TAS1R1: variants seen among roughly 807,000 people sequenced by gnomAD.
The protein encoded by TAS1R1 is taste 1 receptor member 1, also known as taste receptor type 1 member 1.
In TAS1R1, 31 loss-of-function variants were observed where a neutral mutation model predicts 45.8. The ratio of observed to expected loss-of-function variants is 0.68; its 90% CI spans 0.51 to 0.91. The LOEUF (loss-of-function observed/expected upper bound fraction) is 0.91. Among genes scored for constraint, TAS1R1 ranks in the 40% least tolerant of loss-of-function variants. The probability of loss-of-function intolerance (pLI) is 0.00; values close to 1 mark genes in which losing one functional copy is unlikely to be tolerated. For missense variants in TAS1R1, 1,051 were observed against 1,063.9 expected (o/e 0.99, Z 0.17); for synonymous variants, 437 against 448.4 (o/e 0.97, Z 0.32).
chr1:6,567,240 G>A (rs894372023), intron 1 of TAS1R1, among the ~76,000 whole-genome samples: 3 of 152,140 alleles, frequency 2.0e-5, no homozygotes, highest in Non-Finnish European at 2.9e-5. Flanking sequence ...AGGCAAGGCC[G>A]AGTAGGTGGC....
intron 1 of TAS1R1, among the ~76,000 whole-genome samples, chr1:6,568,464 A>G (rs918308910): frequency 9.9e-5 from 15 of 151,492 alleles, no homozygotes; most frequent in Non-Finnish European, 1.8e-4. Flanking sequence ...CAAAAAAGAA[A>G]AAAAAAAAAA....
rs1179512208 is a variant in TAS1R1 at position 6,576,607 on chromosome 1, T to C, written c.1453T>C (p.Trp485Arg). 1.9e-6 allele frequency: 3 copies of C among 1,613,624 alleles called. No homozygotes were observed. Among genetic ancestry groups the C allele is most frequent in the East Asian group, 2.2e-5 (1 of 44,858 alleles). ...QLNINETKIQ[W>R]HGKDNQVPKS... Reference sequence around the variant, plus strand: ...AAACATAAATGAGACCAAAATCCAGTGGCACGGAAAGGACAACCAGGTAAT... The same window carrying C: ...AAACATAAATGAGACCAAAATCCAGCGGCACGGAAAGGACAACCAGGTAAT... The change falls in exon 4 of 6, where the codon TGG (tryptophan) becomes CGG (arginine). Residue 485 changes from tryptophan (W) to arginine (R), a missense_variant. Physicochemically the swap from Trp to Arg is moderately radical, Grantham distance 101. Coordinates refer to ENST00000333172, the MANE Select transcript of TAS1R1 (RefSeq NM_138697.4).
At position 6,579,555 on chromosome 1, in the gene TAS1R1, GACT is replaced by G. The variant is rs1192011484; in HGVS notation, c.2500_2502del (p.Tyr834del). The G allele has an allele frequency of 6.2e-7, 1 of 1,610,250 alleles. No individual in the cohort carries two copies. The highest frequency in any genetic ancestry group is 8.5e-7 in the Non-Finnish European group (1 of 1,179,308). ...AGAGCACTTCCAGGCCTCCATTCAG[GACT>G]ACACGAGGCGCTGCGGCTCCACCTG... On this transcript the variant is annotated inframe_deletion, in exon 6 of 6. Transcript: ENST00000333172.
chr1:6,556,984 G>A (rs903277344), intron 1 of TAS1R1, among the ~76,000 whole-genome samples: 15 of 143,582 alleles, frequency 1.0e-4, no homozygotes, highest in African/African-American at 1.6e-4. Context: ...ATTCCAACCC[G>A]GGCGACAGAG....
intron 1 of TAS1R1, among the ~76,000 whole-genome samples, chr1:6,567,297 A>T (rs1233238802): frequency 6.6e-6 from 1 of 152,110 alleles, no homozygotes; most frequent in Non-Finnish European, 1.5e-5. Flanking sequence ...GCAGTGGCTC[A>T]CGCCTGTAAT....
Position 6,579,288 on chromosome 1 carries a change from G to A in TAS1R1, c.2230G>A (p.Ala744Thr). Residue 744 changes from alanine (A) to threonine (T), a missense_variant, in exon 6 of 6, where the codon GCC (alanine) becomes ACC (threonine). Transcript: ENST00000333172. ...TGGCCTCCTCTCCATCAGTGCCTTT[G>A]CCTGCAGCTACCTGGGTAAGGACTT... is the stretch of plus-strand genomic sequence containing the variant. ...YNGLLSISAFACSYLGKDLPE... is the reference protein window; with the variant it reads ...YNGLLSISAFTCSYLGKDLPE... 12 of 1,614,192 alleles carry A rather than the reference G, an allele frequency of 7.4e-6. No homozygotes were observed. The highest frequency in any genetic ancestry group is 1.0e-5 in the Non-Finnish European group (12 of 1,180,036).
chr1:6,556,438 T>C (rs1354874866), intron 1 of TAS1R1, among the ~76,000 whole-genome samples: 1 of 152,030 alleles, frequency 6.6e-6, no homozygotes, highest in Non-Finnish European at 1.5e-5. Context: ...ACTCAGTCTG[T>C]CATCCAGGCT....
chr1:6,575,345 G>C lies in TAS1R1; in HGVS notation c.1213G>C (p.Gly405Arg). The change falls in exon 3 of 6, where the codon GGC becomes CGC. Residue 405 changes from glycine to arginine, a missense_variant. Coordinates refer to ENST00000333172, the MANE Select transcript of TAS1R1 (RefSeq NM_138697.4). ...GGCCCATGGCCTCCACCAGCTCCTGGGCTGTGCCTCTGGAGCTTGTTCCAG... is the reference window on the plus strand; with the variant it reads ...GGCCCATGGCCTCCACCAGCTCCTGCGCTGTGCCTCTGGAGCTTGTTCCAG... The part of the protein sequence containing the change: ...AVAHGLHQLL[G>R]CASGACSRGR... The C allele has an allele frequency of 6.2e-7, 1 of 1,604,030 alleles. No homozygotes were observed. Among genetic ancestry groups the C allele is most frequent in the Admixed American group, 1.7e-5 (1 of 58,146 alleles).
At position 6,562,358 on chromosome 1, in the gene TAS1R1, T is replaced by C. The variant is rs184952662; in HGVS notation, c.191+6794T>C. On this transcript the variant is annotated intron_variant, in intron 1 of 5. Coordinates refer to ENST00000333172, the MANE Select transcript of TAS1R1 (RefSeq NM_138697.4). Reference sequence around the variant, plus strand: ...TAATTTTTTGTATTTTTAGTAGAGATGGGGTTTCACCATGTTAGCCAGGAT... The same window carrying C: ...TAATTTTTTGTATTTTTAGTAGAGACGGGGTTTCACCATGTTAGCCAGGAT... Among the ~76,000 whole-genome samples, 84 of 152,268 alleles carry C rather than the reference T, an allele frequency of 5.5e-4. 1 individual carries two copies. The East Asian group carries it at 9.7e-3, about 17-fold the overall frequency.
chr1:6,557,411 A>G (rs968943740), intron 1 of TAS1R1, among the ~76,000 whole-genome samples: 2 of 152,246 alleles, frequency 1.3e-5, no homozygotes, highest in East Asian at 3.9e-4. Context: ...AGGCTAGCAC[A>G]CTTTATGTAT....
At chr1:6,555,682 C>T in intron 1 of TAS1R1, 118 bp downstream of exon 1, 1 of 950,508 alleles carries the variant, frequency 1.1e-6, no homozygotes, top group Non-Finnish European at 1.5e-6. Context: ...TGTCCCCAGG[C>T]CTTGTTCATC....
chr1:6,573,746 T>C (rs1324491241), intron 2 of TAS1R1, among the ~76,000 whole-genome samples: 1 of 151,958 alleles, frequency 6.6e-6, no homozygotes, highest in Non-Finnish European at 1.5e-5. Flanking sequence ...CACTGCAAGC[T>C]CCGCCTCCCG....
intron 1 of TAS1R1, among the ~76,000 whole-genome samples, chr1:6,558,922 C>T (rs192911252): frequency 6.7e-5 from 7 of 104,988 alleles, no homozygotes; most frequent in South Asian, 2.9e-4. Flanking sequence ...GATGGAGTCT[C>T]GCTCTGTCGC....
chr1:6,555,866 C>CT lies in TAS1R1; in HGVS notation c.191+325dup, dbSNP rs770363613. ...AAGCAAGGGCAGCTTTTTCCCTCTTCTTTTTTTTTTTTTTTTTTTTTTTGA... is the reference window on the plus strand; with the variant it reads ...AAGCAAGGGCAGCTTTTTCCCTCTTCTTTTTTTTTTTTTTTTTTTTTTTTGA... On this transcript the variant is annotated intron_variant, in intron 1 of 5. Coordinates refer to ENST00000333172, the MANE Select transcript of TAS1R1 (RefSeq NM_138697.4). Among the ~76,000 whole-genome samples, 463 of 95,252 alleles carry CT rather than the reference C, an allele frequency of 4.9e-3. 36 individuals are homozygous for CT. The highest frequency in any genetic ancestry group is 0.016 in the African/African-American group (449 of 27,894). 62.5% of individuals were successfully genotyped at this position (95,252 alleles called of 152,430 possible).
rs1640259655 is a variant in TAS1R1, at chr1:6,578,657, C to G, written c.1599C>G (p.Leu533=). ...GAGTFLNKSD[L]YRCQPCGKEE... ...CTTCTTGGCCTTCCCTTTCAGACCT[C>G]TACAGATGCCAGCCTTGTGGGAAAG... Residue 533 remains leucine (L), a synonymous_variant, in exon 6 of 6, where the codon CTC becomes CTG. Transcript: ENST00000333172. 1 of 1,574,828 alleles carries G rather than the reference C, an allele frequency of 6.3e-7. No individual in the cohort carries two copies. The highest frequency in any genetic ancestry group is 1.2e-5 in the South Asian group (1 of 84,752).
intron 1 of TAS1R1, among the ~76,000 whole-genome samples, chr1:6,564,122 T>C (rs1639834190): frequency 6.6e-6 from 1 of 152,142 alleles, no homozygotes; most frequent in Non-Finnish European, 1.5e-5. Flanking sequence ...GTAGGCAGAC[T>C]AGTCGTAGGA....
intron 1 of TAS1R1, among the ~76,000 whole-genome samples, chr1:6,561,219 A>G (rs971326439): frequency 2.0e-5 from 3 of 152,192 alleles, no homozygotes; most frequent in Non-Finnish European, 4.4e-5. Context: ...AGGGGTTACA[A>G]AACTACTGGG....
At chr1:6,555,862 T>A (rs1327504965) in intron 1 of TAS1R1, among the ~76,000 whole-genome samples, 2 of 104,736 alleles carry the variant, frequency 1.9e-5, no homozygotes, top group East Asian at 2.8e-4. Context: ...GCTTTTTCCC[T>A]CTTCTTTTTT....
chr1:6,558,548 C>T (rs529297162), intron 1 of TAS1R1, among the ~76,000 whole-genome samples: 29 of 152,072 alleles, frequency 1.9e-4, no homozygotes, highest in African/African-American at 6.7e-4. Context: ...GGTGAAACCC[C>T]GCCTCTACTA....
Sources: allele counts gnomAD v4.1 joint callset (sites outside exome capture counted in the v4.1 genomes callset), GRCh38; gene constraint gnomAD v4.1.1; transcripts MANE v1.5; gene names NCBI Gene and HGNC (gene_info 2026-07-23, HGNC 2026-07-21).